The following GARIN2 variants were observed in gnomAD, a reference collection of about 807,000 sequenced individuals.
GARIN2 encodes the protein golgi associated RAB2 interactor family member 2, also known as Golgi-associated RAB2 interactor protein 2.
At chr14:67,208,103 G>A in the GARIN2 span, 199 of 1,511,680 alleles carry the variant, frequency 1.3e-4, no homozygotes, top group Middle Eastern at 1.2e-3. Context: ...GCTCAGTGAC[G>A]ATGAATGAAA....
the GARIN2 span, chr14:67,225,077 T>A: frequency 2.0e-6 from 3 of 1,514,784 alleles, no homozygotes; most frequent in Non-Finnish European, 2.6e-6. Flanking sequence ...TCTATTGATC[T>A]CTCCTTTACT....
the GARIN2 span, among the ~76,000 whole-genome samples, chr14:67,193,549 ATATATAGATCTATATC>A: frequency 1.4e-5 from 2 of 144,774 alleles, no homozygotes; most frequent in Non-Finnish European, 3.0e-5. Flanking sequence ...ATATATATCT[ATATATAGATCTATATC>A]TATATAGATC....
the GARIN2 span, chr14:67,202,997 CT>C: frequency 7.8e-7 from 1 of 1,288,096 alleles, no homozygotes; most frequent in Non-Finnish European, 1.1e-6. Flanking sequence ...TTCATTCCTC[CT>C]TTATTTCCTA....
chr14:67,195,138 AGT>A, the GARIN2 span, among the ~76,000 whole-genome samples: 1 of 152,264 alleles, frequency 6.6e-6, no homozygotes, highest in Admixed American at 6.5e-5. Context: ...ATAATCCAAA[AGT>A]GTAAAAATAA....
At chr14:67,195,713 TTGTGTGTGTGTGTGTG>T in the GARIN2 span, among the ~76,000 whole-genome samples, 6 of 143,344 alleles carry the variant, frequency 4.2e-5, no homozygotes, top group Admixed American at 1.4e-4. Context: ...TTCTTTTTGG[TTGTGTGTGTGTGTGTG>T]TGTGTGTGTG....
chr14:67,208,888 C>A, the GARIN2 span, among the ~76,000 whole-genome samples: 1 of 142,570 alleles, frequency 7.0e-6, no homozygotes, highest in Admixed American at 7.2e-5. Flanking sequence ...CAGAGTAAAA[C>A]TCTGTCTCAA....
chr14:67,212,628 T>C, the GARIN2 span, among the ~76,000 whole-genome samples: 2 of 145,476 alleles, frequency 1.4e-5, no homozygotes, highest in Admixed American at 1.4e-4. Flanking sequence ...ATATATATTA[T>C]ATATAATATA....
At chr14:67,218,109 G>A in the GARIN2 span, among the ~76,000 whole-genome samples, 1 of 152,156 alleles carries the variant, frequency 6.6e-6, no homozygotes, top group African/African-American at 2.4e-5. Context: ...CTTTGCCAGG[G>A]GTAGGCTCAC....
chr14:67,205,964 G>T, the GARIN2 span, among the ~76,000 whole-genome samples: 4 of 151,966 alleles, frequency 2.6e-5, no homozygotes, highest in Non-Finnish European at 4.4e-5. Flanking sequence ...CAGGTGGATT[G>T]CTTGAGCTTG....
the GARIN2 span, chr14:67,224,978 A>G: frequency 1.4e-6 from 1 of 700,852 alleles, no homozygotes; most frequent in Non-Finnish European, 2.3e-6. Flanking sequence ...TTAGAACATA[A>G]TCTGAATTTA....
chr14:67,189,829 T>A, the GARIN2 span: 1 of 136,112 alleles, frequency 7.3e-6, no homozygotes, highest in South Asian at 2.3e-4. Context: ...TTTTCTGGAT[T>A]TTTTTTAATT....
chr14:67,221,690 A>G, the GARIN2 span: 1 of 1,549,300 alleles, frequency 6.5e-7, no homozygotes, highest in Non-Finnish European at 8.8e-7. Context: ...CATTTAAAGA[A>G]TGACCGGTTA....
chr14:67,202,920 C>A, the GARIN2 span: 1 of 236,032 alleles, frequency 4.2e-6, no homozygotes, highest in Non-Finnish European at 6.9e-6. Flanking sequence ...GGGTCAGAGG[C>A]TGTGTCTGTT....
chr14:67,224,638 C>T, the GARIN2 span: 1 of 295,966 alleles, frequency 3.4e-6, no homozygotes. Context: ...TTTTTTTTTA[C>T]AGTGAGCCCA....
the GARIN2 span, among the ~76,000 whole-genome samples, chr14:67,190,876 C>A: frequency 6.6e-6 from 1 of 152,176 alleles, no homozygotes; most frequent in Non-Finnish European, 1.5e-5. Flanking sequence ...GAATAATTAA[C>A]CTCAAAGCTC....
the GARIN2 span, among the ~76,000 whole-genome samples, chr14:67,196,109 C>G: frequency 2.0e-5 from 3 of 152,116 alleles, no homozygotes; most frequent in Non-Finnish European, 4.4e-5. Context: ...TGCCATCATC[C>G]TCTGTGCATT....
chr14:67,207,657 A>G, the GARIN2 span, among the ~76,000 whole-genome samples: 3 of 152,188 alleles, frequency 2.0e-5, no homozygotes, highest in African/African-American at 7.2e-5. Context: ...CTTGAGCCCT[A>G]AGTGATTCTG....
At chr14:67,223,275 C>T in the GARIN2 span, among the ~76,000 whole-genome samples, 31 of 152,338 alleles carry the variant, frequency 2.0e-4, no homozygotes, top group Non-Finnish European at 3.7e-4. Flanking sequence ...GCTGGGATTA[C>T]AGGCGTGAGC....
chr14:67,193,330 C>CGAGA, the GARIN2 span, among the ~76,000 whole-genome samples: 1 of 135,246 alleles, frequency 7.4e-6, no homozygotes. Flanking sequence ...CTATATATCT[C>CGAGA]TATATAGATA....
Sources: gnomAD v4.1 joint callset for allele counts (sites outside exome capture counted in the v4.1 genomes callset) on GRCh38, gnomAD v4.1.1 for gene constraint, MANE v1.5 for transcripts, NCBI Gene and HGNC (gene_info 2026-07-23, HGNC 2026-07-21) for gene names.